Variants in IQSEC1 observed in about 807,000 individuals in gnomAD.
The protein encoded by IQSEC1 is IQ motif and Sec7 domain ArfGEF 1.
A neutral mutation model predicts 91.0 loss-of-function variants in IQSEC1; 31 were observed. That is an observed-to-expected ratio of 0.34 (90% CI 0.26 to 0.46). The LOEUF is 0.46. IQSEC1 is among the 20% of genes least tolerant of loss of function. The pLI, the probability that IQSEC1 is intolerant of heterozygous loss-of-function variation, is 1.00. For missense variants in IQSEC1, 1,388 were observed against 1,575.6 expected (o/e 0.88, Z 2.02); for synonymous variants, 699 against 662.6 (o/e 1.05, Z -0.84).
At chr3:13,188,233 T>C (rs1194138499) in intron 1 of IQSEC1, among the ~76,000 whole-genome samples, 10 of 152,224 alleles carry the variant, frequency 6.6e-5, no homozygotes. Context: ...TTCTGAGAAC[T>C]GTCTCCTGAC....
chr3:13,006,393 G>A (rs941881038), intron 1 of IQSEC1, among the ~76,000 whole-genome samples: 7 of 152,206 alleles, frequency 4.6e-5, no homozygotes, highest in African/African-American at 9.7e-5. Context: ...CATTGTGGGG[G>A]CCATGTGGAG....
chr3:12,947,472 A>AC (rs1699259661), intron 1 of IQSEC1, among the ~76,000 whole-genome samples: 1 of 141,460 alleles, frequency 7.1e-6, no homozygotes, highest in Non-Finnish European at 1.5e-5. Flanking sequence ...ACTCTTCCCC[A>AC]CCCCGGGGAT....
intron 1 of IQSEC1, among the ~76,000 whole-genome samples, chr3:12,972,571 A>G (rs185956155): frequency 6.6e-6 from 1 of 152,350 alleles, no homozygotes; most frequent in East Asian, 1.9e-4. Context: ...CTATGTTACC[A>G]TTCATCTTAC....
intron 1 of IQSEC1, among the ~76,000 whole-genome samples, chr3:13,231,425 G>A (rs976278577): frequency 2.6e-5 from 4 of 152,150 alleles, no homozygotes; most frequent in African/African-American, 7.2e-5. Context: ...GCCACATAGC[G>A]GGGATCTGGT....
intron 1 of IQSEC1, among the ~76,000 whole-genome samples, chr3:12,964,358 C>T (rs951282674): frequency 2.6e-5 from 4 of 151,622 alleles, no homozygotes; most frequent in Non-Finnish European, 4.4e-5. Flanking sequence ...CCAAGGCCTC[C>T]GGTGGTGTTT....
chr3:12,916,722 C>A (rs932894884), intron 6 of IQSEC1, among the ~76,000 whole-genome samples: 1 of 152,212 alleles, frequency 6.6e-6, no homozygotes, highest in Non-Finnish European at 1.5e-5. Context: ...AGCACTGTTT[C>A]CAAATGGCAA....
At chr3:13,081,882 A>C (rs768600380) in intron 2 of IQSEC1, among the ~76,000 whole-genome samples, 1 of 152,248 alleles carries the variant, frequency 6.6e-6, no homozygotes, top group Non-Finnish European at 1.5e-5. Context: ...CGTGAATACC[A>C]AATGACTGAA....
intron 3 of IQSEC1, among the ~76,000 whole-genome samples, chr3:12,925,461 G>A (rs1697038145): frequency 6.6e-6 from 1 of 152,198 alleles, no homozygotes; most frequent in Non-Finnish European, 1.5e-5. Flanking sequence ...GGCTTCCCCT[G>A]CTGTAAACAC....
chr3:12,914,110 C>T (rs1695837517), intron 8 of IQSEC1, among the ~76,000 whole-genome samples: 1 of 152,256 alleles, frequency 6.6e-6, no homozygotes, highest in Non-Finnish European at 1.5e-5. Flanking sequence ...TCCTATGGTC[C>T]TGATGCCTGA....
At chr3:13,147,985 T>C (rs1706925878) in intron 2 of IQSEC1, among the ~76,000 whole-genome samples, 1 of 152,212 alleles carries the variant, frequency 6.6e-6, no homozygotes, top group African/African-American at 2.4e-5. Flanking sequence ...AGATACCCAG[T>C]AGTGGGATTG....
Position 13,185,549 on chromosome 3 carries a change from A to C in IQSEC1, c.273-21416T>G, listed in dbSNP as rs530761948. Among the ~76,000 whole-genome samples, 4 of 152,346 alleles carry C rather than the reference A, an allele frequency of 2.6e-5. No individual in the cohort carries two copies. In the East Asian group the frequency reaches 7.7e-4, roughly 29 times the overall value. ...GAAGGCATAAAGCGTGACAATGGCC[A>C]AAACAGCAGCTTGATTACTTCCACA... On this transcript the variant is annotated intron_variant, in intron 1 of 15. Coordinates refer to the IQSEC1 transcript ENST00000648114.
At chr3:12,968,001 T>A (rs954269204) in intron 1 of IQSEC1, among the ~76,000 whole-genome samples, 1 of 152,094 alleles carries the variant, frequency 6.6e-6, no homozygotes, top group African/African-American at 2.4e-5. Flanking sequence ...TGCATCCAGG[T>A]CCCAGCGCGC....
rs146530154 is a variant in IQSEC1 at position 12,951,161 on chromosome 3, G to A, written c.24-9296C>T. The stretch of plus-strand genomic sequence containing the variant: ...AAAAGGGCTGGGCATGGCGGCTAAC[G>A]CCTGTAATCCCAGTACTTTAGGAGG... On this transcript the variant is annotated intron_variant, in intron 1 of 13. Coordinates refer to ENST00000613206, the MANE Select transcript of IQSEC1 (RefSeq NM_001134382.3). 1.6e-4 allele frequency among the ~76,000 whole-genome samples: 25 copies of A among 152,328 alleles called. No homozygotes were observed. The East Asian group carries it at 3.5e-3, about 21-fold the overall frequency.
Position 13,252,007 on chromosome 3 carries a change from A to T in IQSEC1, c.272+30704T>A, listed in dbSNP as rs186865754. On this transcript the variant is annotated intron_variant, in intron 1 of 15. Transcript: ENST00000648114. ...GCCCAGTGCTCACTATGCCCCACAT[A>T]CTGTTTTTCCCCGATTTTTTATTGT... Among the ~76,000 whole-genome samples, 1,267 of 152,316 alleles carry T rather than the reference A, an allele frequency of 8.3e-3. 34 individuals are homozygous for T. The highest frequency in any genetic ancestry group is 0.054 in the Admixed American group (819 of 15,298).
At chr3:12,966,250 G>A (rs1272342157) in intron 1 of IQSEC1, among the ~76,000 whole-genome samples, 3 of 152,202 alleles carry the variant, frequency 2.0e-5, no homozygotes, top group Admixed American at 2.0e-4. Context: ...AACCCCACTT[G>A]GAGGCTCAGG....
intron 1 of IQSEC1, among the ~76,000 whole-genome samples, chr3:13,036,440 A>C (rs1223660162): frequency 2.0e-5 from 3 of 152,232 alleles, no homozygotes; most frequent in Non-Finnish European, 2.9e-5. Flanking sequence ...GAAAGTAATA[A>C]TAATAAACAA....
chr3:13,021,786 A>C (rs1368180713), intron 1 of IQSEC1, among the ~76,000 whole-genome samples: 1 of 152,146 alleles, frequency 6.6e-6, no homozygotes, highest in Non-Finnish European at 1.5e-5. Context: ...CACATGCTGC[A>C]CCTGCCCCTG....
In IQSEC1 at chr3:12,909,518, A is replaced by G; in HGVS notation, c.2417-84T>C. On this transcript the variant is annotated intron_variant, in intron 10 of 13. Transcript: ENST00000613206. This position sits in a 1 kb window ranked among gnomAD's most constrained non-coding sequence, Gnocchi z 4.9. ...TCCTCTCTGGTCAGGAAACAATGGTAGGGCTGAGTTGTGCGTGAGCCTGGG... is the reference window on the plus strand; with the variant it reads ...TCCTCTCTGGTCAGGAAACAATGGTGGGGCTGAGTTGTGCGTGAGCCTGGG... The G allele has an allele frequency of 7.3e-7, 1 of 1,377,390 alleles. No homozygotes were observed. The highest frequency in any genetic ancestry group is 1.0e-6 in the Non-Finnish European group (1 of 990,170). The allele number at this position is 1,377,390 out of a possible 1,614,324, so 85.3% of individuals were successfully genotyped here. A position where few individuals can be genotyped will look rare whatever the true frequency, so the allele number is the denominator to read the frequency against.
intron 6 of IQSEC1, among the ~76,000 whole-genome samples, chr3:12,917,932 C>G (rs1488077297): frequency 6.6e-6 from 1 of 152,252 alleles, no homozygotes; most frequent in Non-Finnish European, 1.5e-5. Context: ...CAGGGCTCTC[C>G]CGCTGCGGGA....
Sources: gnomAD v4.1 joint callset for allele counts (sites outside exome capture counted in the v4.1 genomes callset) on GRCh38, gnomAD v4.1.1 for gene constraint, Gnocchi (gnomAD v3.1) non-coding constraint, MANE v1.5 for transcripts, NCBI Gene and HGNC (gene_info 2026-07-23, HGNC 2026-07-21) for gene names.